The following SYCP2L variants were observed in gnomAD, a reference collection of about 807,000 sequenced individuals.
The protein encoded by SYCP2L is synaptonemal complex protein 2 like.
In SYCP2L, 98 loss-of-function variants were observed where a neutral mutation model predicts 125.8. The ratio of observed to expected loss-of-function variants is 0.78; its 90% CI spans 0.66 to 0.92. The LOEUF (loss-of-function observed/expected upper bound fraction) is 0.92. Ranked by LOEUF, SYCP2L falls within the 40% of genes least tolerant of loss-of-function variation. The pLI is 0.00. For missense variants in SYCP2L, 842 were observed against 936.4 expected, an observed-to-expected ratio of 0.90 and a Z score of 1.32; for synonymous variants, 317 against 325.4, an observed-to-expected ratio of 0.97 and a Z score of 0.28.
At position 10,926,332 on chromosome 6, in the gene SYCP2L, A is replaced by C. The variant is rs771406470; in HGVS notation, c.1219-7A>C. The C allele has an allele frequency of 5.0e-6, 8 of 1,606,182 alleles. No homozygotes were observed. In the South Asian group the frequency reaches 7.8e-5, roughly 16 times the overall value. ...ATTTCAAAGTTGACCTTTGTCTTGC[A>C]TTTCAGATGTTGCCTGACCAGACGA... On this transcript the variant is annotated splice_region_variant and splice_polypyrimidine_tract_variant and intron_variant, in intron 15 of 29. Transcript: ENST00000283141.
At chr6:10,970,314 A>G (rs1781749471) in intron 29 of SYCP2L, among the ~76,000 whole-genome samples, 1 of 152,320 alleles carries the variant, frequency 6.6e-6, no homozygotes, top group South Asian at 2.1e-4. Flanking sequence ...GAAGGCCCCA[A>G]TAGAAGGAGC....
chr6:10,950,484 G>C (rs895990478), intron 23 of SYCP2L, among the ~76,000 whole-genome samples: 1 of 151,978 alleles, frequency 6.6e-6, no homozygotes, highest in African/African-American at 2.4e-5. Context: ...TGGTATCACT[G>C]TCCTTTTGTT....
At chr6:10,931,407 T>C (rs772280090) in intron 19 of SYCP2L, 33 bp from the exon 20 acceptor site, 11 of 1,612,192 alleles carry the variant, frequency 6.8e-6, no homozygotes, top group South Asian at 1.1e-5. Flanking sequence ...TGAGTTAATG[T>C]ATATGTTGTG....
At position 10,961,482 on chromosome 6, in the gene SYCP2L, A is replaced by G. The variant is rs1781592588; in HGVS notation, c.2356-18A>G. 1 of 1,613,934 alleles carries G rather than the reference A, an allele frequency of 6.2e-7. No individual in the cohort carries two copies. Among genetic ancestry groups the G allele is most frequent in the African/African-American group, 1.3e-5 (1 of 74,928 alleles). On this transcript the variant is annotated intron_variant, in intron 27 of 29. Transcript: ENST00000283141. ...AAATAACGCTAGCTACTTAAACAAAACTTTTGTTCAATCTTAGGAATTCTG... is the reference window on the plus strand; with the variant it reads ...AAATAACGCTAGCTACTTAAACAAAGCTTTTGTTCAATCTTAGGAATTCTG...
At chr6:10,902,365 T>C (rs2113300877) in intron 6 of SYCP2L, among the ~76,000 whole-genome samples, 1 of 152,318 alleles carries the variant, frequency 6.6e-6, no homozygotes, top group South Asian at 2.1e-4. Flanking sequence ...AATATCAATA[T>C]TGCCAAAGTT....
chr6:10,937,159 G>T (rs76224777), intron 21 of SYCP2L, among the ~76,000 whole-genome samples: 1 of 152,124 alleles, frequency 6.6e-6, no homozygotes, highest in Admixed American at 6.5e-5. Flanking sequence ...TGTACAGTGC[G>T]CATGGGACAT....
chr6:10,940,701 C>T (rs1781202031), intron 21 of SYCP2L, among the ~76,000 whole-genome samples: 1 of 152,024 alleles, frequency 6.6e-6, no homozygotes. Flanking sequence ...GGAGATGGTC[C>T]TCGAAGGATA....
In SYCP2L at chr6:10,942,003, A is replaced by G. The variant is rs575633807; in HGVS notation, c.1814-456A>G. ...AAAATGATGATTTCATGTCCTTTGT[A>G]GGGACATGGATGAAGCTGGAAACCA... On this transcript the variant is annotated intron_variant, in intron 21 of 29. Transcript: ENST00000283141. Among the ~76,000 whole-genome samples, 5 of 152,104 alleles carry G rather than the reference A, an allele frequency of 3.3e-5. No individual in the cohort carries two copies. In the South Asian group the frequency reaches 1.0e-3, roughly 32 times the overall value.
At chr6:10,949,845 TAGG>T (rs2113393727) in intron 23 of SYCP2L, among the ~76,000 whole-genome samples, 1 of 152,116 alleles carries the variant, frequency 6.6e-6, no homozygotes, top group East Asian at 1.9e-4. Context: ...TCTCTTTTAA[TAGG>T]AGCAATTAAT....
At chr6:10,921,872 A>AT (rs1325316106) in intron 14 of SYCP2L, among the ~76,000 whole-genome samples, 2 of 151,726 alleles carry the variant, frequency 1.3e-5, no homozygotes, top group African/African-American at 4.8e-5. Context: ...CACCTGGCTA[A>AT]TTTTTTGTAT....
intron 21 of SYCP2L, among the ~76,000 whole-genome samples, chr6:10,935,627 C>T (rs185946819): frequency 9.7e-4 from 147 of 152,066 alleles, no homozygotes; most frequent in Admixed American, 2.4e-3. Context: ...CAGGTTCAAG[C>T]GATTCTCCTG....
At chr6:10,901,356 C>T (rs904205492) in intron 6 of SYCP2L, among the ~76,000 whole-genome samples, 4 of 152,138 alleles carry the variant, frequency 2.6e-5, no homozygotes, top group African/African-American at 9.7e-5. Flanking sequence ...TACAATATTA[C>T]TCTCACTTTG....
At chr6:10,907,916 A>T (rs1780529812) in intron 10 of SYCP2L, among the ~76,000 whole-genome samples, 1 of 30,980 alleles carries the variant, frequency 3.2e-5, no homozygotes, top group Non-Finnish European at 6.9e-5. Context: ...TTTTTGACAG[A>T]GTCTCACTCT....
chr6:10,887,270 C>CAA (rs1780089876), intron 1 of SYCP2L, 135 bp downstream of exon 1: 2 of 1,217,622 alleles, frequency 1.6e-6, no homozygotes, highest in East Asian at 4.9e-5. Context: ...AGTCCCCCGC[C>CAA]ACCTCCTTGG....
intron 6 of SYCP2L, among the ~76,000 whole-genome samples, chr6:10,900,244 C>T (rs1780354760): frequency 6.6e-6 from 1 of 151,990 alleles, no homozygotes; most frequent in Admixed American, 6.6e-5. Context: ...GTGATGGCCT[C>T]TTTCTGGCTT....
At chr6:10,934,978 T>G (rs1781066929) in intron 20 of SYCP2L, 80 bp from the exon 21 acceptor site, 1 of 1,252,570 alleles carries the variant, frequency 8.0e-7, no homozygotes, top group African/African-American at 1.5e-5. Context: ...CTTAAAGTAA[T>G]ATTGAAAATG....
intron 15 of SYCP2L, among the ~76,000 whole-genome samples, chr6:10,924,964 T>C (rs182698227): frequency 4.5e-4 from 69 of 152,334 alleles, no homozygotes; most frequent in African/African-American, 1.6e-3. Context: ...CTGGCATTTC[T>C]GTCTCTCTCA....
At chr6:10,910,728 G>A in intron 11 of SYCP2L, 96 bp from the exon 12 acceptor site, 1 of 1,292,114 alleles carries the variant, frequency 7.7e-7, no homozygotes, top group Non-Finnish European at 1.1e-6. Flanking sequence ...GAGACTTAAT[G>A]GCATACTCTA....
chr6:10,935,276 C>T, intron 21 of SYCP2L, 89 bp downstream of exon 21: 1 of 1,286,204 alleles, frequency 7.8e-7, no homozygotes, highest in Non-Finnish European at 1.1e-6. Flanking sequence ...ATTTTAATAT[C>T]TATTAAAGAA....
Sources: gnomAD v4.1 joint callset for allele counts (sites outside exome capture counted in the v4.1 genomes callset) on GRCh38, gnomAD v4.1.1 for gene constraint, MANE v1.5 for transcripts, NCBI Gene and HGNC (gene_info 2026-07-23, HGNC 2026-07-21) for gene names.